DNAH9: variants seen among roughly 807,000 people sequenced by gnomAD.
DNAH9 encodes dynein axonemal heavy chain 9.
Under a neutral mutation model 471.6 loss-of-function variants are expected in DNAH9, and 345 were observed. The ratio of observed to expected loss-of-function variants is 0.73; its 90% CI spans 0.67 to 0.80. The LOEUF (loss-of-function observed/expected upper bound fraction) is 0.80. Among genes scored for constraint, DNAH9 ranks in the 30% least tolerant of loss-of-function variants. DNAH9 has a pLI of 0.00. For synonymous variants in DNAH9, 2,093 were observed against 2,123.6 expected (o/e 0.99, Z 0.40); for missense variants, 5,407 against 5,609.2 (o/e 0.96, Z 1.15).
chr17:11,715,915 G>C (rs977295893), intron 26 of DNAH9, among the ~76,000 whole-genome samples: 5 of 152,062 alleles, frequency 3.3e-5, no homozygotes, highest in African/African-American at 1.2e-4. Flanking sequence ...GAGCACATCA[G>C]AGGAGCTGAT....
chr17:11,949,944 A>AT (rs1975302361), intron 67 of DNAH9, among the ~76,000 whole-genome samples: 1 of 152,248 alleles, frequency 6.6e-6, no homozygotes, highest in African/African-American at 2.4e-5. Context: ...TAATCTTATT[A>AT]TAAGCAGATG....
At chr17:11,620,552 A>T (rs1221080917) in intron 6 of DNAH9, among the ~76,000 whole-genome samples, 1 of 151,520 alleles carries the variant, frequency 6.6e-6, no homozygotes, top group East Asian at 1.9e-4. Context: ...AATAGTTGTC[A>T]TTTGGATTGA....
chr17:11,715,887 G>A (rs978159876), intron 26 of DNAH9, among the ~76,000 whole-genome samples: 5 of 151,948 alleles, frequency 3.3e-5, no homozygotes, highest in Non-Finnish European at 5.9e-5. Context: ...TGGTCTGCTG[G>A]CCCACACTCG....
chr17:11,660,154 T>G (rs1468024386), intron 14 of DNAH9, among the ~76,000 whole-genome samples: 2 of 152,114 alleles, frequency 1.3e-5, no homozygotes, highest in African/African-American at 4.8e-5. Context: ...GGTTAGTTGC[T>G]TATCTGTTTT....
chr17:11,870,522 A>G (rs1972224720), intron 51 of DNAH9, among the ~76,000 whole-genome samples: 3 of 152,230 alleles, frequency 2.0e-5, no homozygotes, highest in Admixed American at 1.3e-4. Flanking sequence ...CTGTGATGTA[A>G]TGAAGACCTG....
intron 41 of DNAH9, 57 bp downstream of exon 41, chr17:11,784,596 A>G: frequency 6.2e-7 from 1 of 1,609,126 alleles, no homozygotes; most frequent in South Asian, 1.1e-5. Context: ...AGATGCTCCG[A>G]TTCTTCATAA....
At position 11,763,342 on chromosome 17, in the gene DNAH9, T is replaced by A. The variant is rs1481574453; in HGVS notation, c.6996-98T>A. 7 of 1,038,034 alleles carry A rather than the reference T, an allele frequency of 6.7e-6. No individual in the cohort carries two copies. The African/African-American group carries it at 1.1e-4, about 17-fold the overall frequency. 64.3% of individuals were successfully genotyped at this position (1,038,034 alleles called of 1,614,324 possible). Reference sequence around the variant, plus strand: ...TAATCCCAAAGAACTTGACGGACCATGAGTCCACTGAAACTGAGTGGTTCC... The same window carrying A: ...TAATCCCAAAGAACTTGACGGACCAAGAGTCCACTGAAACTGAGTGGTTCC... On this transcript the variant is annotated intron_variant, in intron 35 of 68. Transcript: ENST00000262442.
intron 65 of DNAH9, among the ~76,000 whole-genome samples, chr17:11,934,693 C>T (rs1974646877): frequency 6.6e-6 from 1 of 152,068 alleles, no homozygotes; most frequent in Non-Finnish European, 1.5e-5. Context: ...ACCTCGTGAT[C>T]CGCCCACCTG....
chr17:11,730,636 T>C (rs536820875), intron 28 of DNAH9, among the ~76,000 whole-genome samples: 39 of 152,308 alleles, frequency 2.6e-4, no homozygotes, highest in African/African-American at 8.9e-4. Flanking sequence ...TAGCACCTCC[T>C]TGAGGCAGTT....
Position 11,797,598 on chromosome 17 carries a change from A to G in DNAH9, c.8225A>G (p.Asp2742Gly). The change falls in exon 43 of 69, where the codon GAT becomes GGT. Residue 2742 changes from aspartate (D) to glycine (G), a missense_variant and splice_region_variant. By Grantham distance (94) the Asp-to-Gly change is moderately conservative (BLOSUM62 -1). Around this residue, in one of 3 missense-constraint regions of DNAH9, gnomAD observed 4,636 missense variants for 4,900.3 expected, o/e 0.95. Coordinates refer to ENST00000262442, the MANE Select transcript of DNAH9 (RefSeq NM_001372.4). ...QTEVLKKTFD[D>G]IEDPVEQTQS... ...CTTATTCCTGTGTCTCATCACCAGG[A>G]TATTGAAGACCCTGTGGAGCAGACC... 6.2e-7 allele frequency: 1 copy of G among 1,610,464 alleles called. No homozygotes were observed. Among genetic ancestry groups the G allele is most frequent in the Non-Finnish European group, 8.5e-7 (1 of 1,178,600 alleles).
chr17:11,730,875 A>G (rs1195948123), intron 28 of DNAH9, among the ~76,000 whole-genome samples: 2 of 149,704 alleles, frequency 1.3e-5, no homozygotes, highest in East Asian at 2.0e-4. Flanking sequence ...TGATGATTCT[A>G]ATGATGATGA....
chr17:11,806,151 C>G (rs1969673176), intron 43 of DNAH9, among the ~76,000 whole-genome samples: 1 of 152,186 alleles, frequency 6.6e-6, no homozygotes, highest in South Asian at 2.1e-4. Context: ...AATTTGCTGA[C>G]TTAACACATC....
At chr17:11,858,633 A>G (rs1971708769) in intron 50 of DNAH9, among the ~76,000 whole-genome samples, 1 of 152,120 alleles carries the variant, frequency 6.6e-6, no homozygotes, top group Non-Finnish European at 1.5e-5. Flanking sequence ...ACTTCTGTCC[A>G]TGTGTTATGC....
At chr17:11,644,042 A>G (rs2073331189) in intron 10 of DNAH9, among the ~76,000 whole-genome samples, 1 of 152,204 alleles carries the variant, frequency 6.6e-6, no homozygotes, top group African/African-American at 2.4e-5. Flanking sequence ...AGTGAATGCG[A>G]AGGCCTAGGA....
chr17:11,609,214 A>G (rs1342545121), intron 2 of DNAH9, among the ~76,000 whole-genome samples: 1 of 152,202 alleles, frequency 6.6e-6, no homozygotes, highest in Non-Finnish European at 1.5e-5. Context: ...ATATGCGTGC[A>G]ATGCATTATA....
intron 41 of DNAH9, among the ~76,000 whole-genome samples, chr17:11,787,825 T>A (rs1369440292): frequency 6.6e-6 from 1 of 152,172 alleles, no homozygotes; most frequent in East Asian, 1.9e-4. Context: ...ATCAGGGGTT[T>A]CCGCTTTTGC....
chr17:11,774,827 T>A (rs926684515), intron 38 of DNAH9, among the ~76,000 whole-genome samples: 1 of 151,950 alleles, frequency 6.6e-6, no homozygotes, highest in South Asian at 2.1e-4. Context: ...GGCAGCATAA[T>A]CTTTTTACAT....
intron 4 of DNAH9, among the ~76,000 whole-genome samples, chr17:11,615,607 G>A (rs1005948787): frequency 1.3e-5 from 2 of 151,734 alleles, no homozygotes; most frequent in East Asian, 1.9e-4. Context: ...AAAAAAAAAG[G>A]TATGAGCCCA....
intron 28 of DNAH9, 151 bp downstream of exon 28, chr17:11,728,073 C>T: frequency 3.3e-6 from 2 of 614,316 alleles, no homozygotes; most frequent in Admixed American, 2.8e-5. Context: ...AAATCAGGCT[C>T]CAGGGAAGCT....
Sources: allele counts gnomAD v4.1 joint callset (sites outside exome capture counted in the v4.1 genomes callset), GRCh38; gene constraint gnomAD v4.1.1; regional missense constraint gnomAD v4.1.1; transcripts MANE v1.5; gene names NCBI Gene and HGNC (gene_info 2026-07-23, HGNC 2026-07-21).